HMGB1: variants seen among roughly 807,000 people sequenced by gnomAD.
HMGB1 encodes the protein high mobility group protein B1.
For synonymous variants in HMGB1, 81 were observed against 84.0 expected (o/e 0.96, Z 0.19); for missense variants, 79 against 253.5 (o/e 0.31, Z 4.67).
chr13:30,502,728 G>T (rs1053057462), intron 1 of HMGB1, among the ~76,000 whole-genome samples: 1 of 151,590 alleles, frequency 6.6e-6, no homozygotes, highest in Non-Finnish European at 1.5e-5. Context: ...GCACAATCCC[G>T]GCTCACTGCA....
At chr13:30,511,893 C>T (rs1043432002) in intron 1 of HMGB1, among the ~76,000 whole-genome samples, 2 of 152,040 alleles carry the variant, frequency 1.3e-5, no homozygotes, top group African/African-American at 4.8e-5. Context: ...ATCTTCAAGG[C>T]CTTTTCAACC....
Position 30,506,040 on chromosome 13 carries a change from G to A in HMGB1, c.-14-42346C>T, listed in dbSNP as rs150992386. 3.3e-3 allele frequency among the ~76,000 whole-genome samples: 497 copies of A among 152,206 alleles called. 3 individuals carry two copies. Among genetic ancestry groups the A allele is most frequent in the Non-Finnish European group, 5.3e-3 (362 of 68,006 alleles). On this transcript the variant is annotated intron_variant, in intron 1 of 4. Coordinates refer to the HMGB1 transcript ENST00000405805. ...CTGCACCTGGCCTGGAGACAGATTT[G>A]AGAAGAGAAGAAAACAGTCCCCACA...
intron 1 of HMGB1, among the ~76,000 whole-genome samples, chr13:30,538,725 T>TTTC (rs1566019312): frequency 4.3e-4 from 54 of 124,582 alleles, no homozygotes; most frequent in South Asian, 9.1e-4. Context: ...CTTCTTTTTC[T>TTTC]TTCTTTTTCT....
intron 1 of HMGB1, among the ~76,000 whole-genome samples, chr13:30,608,052 G>A (rs891746596): frequency 9.2e-5 from 14 of 152,102 alleles, no homozygotes; most frequent in African/African-American, 2.4e-4. Context: ...GGTCACTTCC[G>A]AGGTTAGGTT....
At chr13:30,521,615 C>G (rs56087056) in intron 1 of HMGB1, among the ~76,000 whole-genome samples, 22,569 of 152,136 alleles carry the variant, frequency 0.15, 1,886 homozygotes, top group East Asian at 0.28. Flanking sequence ...ATTCACTCAT[C>G]AGTTGATGGA....
chr13:30,567,383 C>T (rs1170502550), intron 1 of HMGB1, among the ~76,000 whole-genome samples: 14 of 142,476 alleles, frequency 9.8e-5, no homozygotes, highest in Non-Finnish European at 3.0e-5. Context: ...CTCACTCTGT[C>T]ACCAGGCTGG....
intron 1 of HMGB1, among the ~76,000 whole-genome samples, chr13:30,522,912 C>T (rs1262579868): frequency 2.0e-5 from 3 of 152,106 alleles, no homozygotes; most frequent in Non-Finnish European, 4.4e-5. Context: ...CAGGGTTTCG[C>T]CATACTGCCC....
At chr13:30,573,949 C>T (rs987572590) in intron 1 of HMGB1, among the ~76,000 whole-genome samples, 2 of 152,092 alleles carry the variant, frequency 1.3e-5, no homozygotes, top group African/African-American at 2.4e-5. Flanking sequence ...CCACCGCACC[C>T]GGCCTAATCT....
chr13:30,615,247 TAA>T (rs746122325), intron 1 of HMGB1, among the ~76,000 whole-genome samples: 37 of 152,216 alleles, frequency 2.4e-4, no homozygotes, highest in East Asian at 1.9e-4. Context: ...TAAAATGTCT[TAA>T]GTTACTTTTT....
chr13:30,465,370 C>G (rs1212309984), intron 1 of HMGB1: 5 of 142,022 alleles, frequency 3.5e-5, no homozygotes, highest in African/African-American at 7.6e-5. Flanking sequence ...CCCGGGGAAG[C>G]GCCGCCGCTG....
chr13:30,570,821 A>G (rs1158098402), intron 1 of HMGB1, among the ~76,000 whole-genome samples: 1 of 152,218 alleles, frequency 6.6e-6, no homozygotes, highest in African/African-American at 2.4e-5. Context: ...GATAAGGGCC[A>G]CACTCCATAG....
chr13:30,523,775 C>G lies in HMGB1; in HGVS notation c.-14-60081G>C, dbSNP rs186523758. Among the ~76,000 whole-genome samples the G allele has an allele frequency of 6.6e-4, 99 of 151,078 alleles. 1 individual carries two copies. Among genetic ancestry groups the G allele is most frequent in the Middle Eastern group, 3.4e-3 (1 of 294 alleles). On this transcript the variant is annotated intron_variant, in intron 1 of 4. Transcript: ENST00000405805. The stretch of plus-strand genomic sequence containing the variant: ...TGTTTGTTTGAGATGGGGCCTCACT[C>G]TATTGCCCAGGCTGGAGTGCAGTGG...
intron 1 of HMGB1, among the ~76,000 whole-genome samples, chr13:30,564,736 A>G (rs2137528384): frequency 6.6e-6 from 1 of 152,270 alleles, no homozygotes; most frequent in Non-Finnish European, 1.5e-5. Flanking sequence ...CATGATTGCA[A>G]TTTTTCAAAT....
At chr13:30,546,843 GA>G (rs1869183296) in intron 1 of HMGB1, among the ~76,000 whole-genome samples, 1 of 152,140 alleles carries the variant, frequency 6.6e-6, no homozygotes, top group Admixed American at 6.5e-5. Flanking sequence ...ATCCTACCGT[GA>G]ATCCACCTTT....
chr13:30,465,479 C>G (rs1372033844), intron 1 of HMGB1, among the ~76,000 whole-genome samples: 1 of 148,544 alleles, frequency 6.7e-6, no homozygotes, highest in Admixed American at 6.7e-5. Flanking sequence ...GCCCAAAACA[C>G]GTTCAAAATT....
intron 1 of HMGB1, among the ~76,000 whole-genome samples, chr13:30,473,989 C>T (rs1887008378): frequency 6.6e-6 from 1 of 152,104 alleles, no homozygotes; most frequent in Non-Finnish European, 1.5e-5. Flanking sequence ...TATAAAATAT[C>T]CAGAACAGGA....
chr13:30,490,274 G>C (rs1346978703), intron 1 of HMGB1, among the ~76,000 whole-genome samples: 1 of 152,118 alleles, frequency 6.6e-6, no homozygotes, highest in Non-Finnish European at 1.5e-5. Context: ...CCTTATCACT[G>C]TAGGTCTTGG....
At chr13:30,600,261 G>T (rs1214775277) in intron 1 of HMGB1, among the ~76,000 whole-genome samples, 3 of 152,058 alleles carry the variant, frequency 2.0e-5, no homozygotes, top group Non-Finnish European at 2.9e-5. Flanking sequence ...AACACCTTAG[G>T]GTAGAACAGC....
chr13:30,479,510 C>T (rs1013759339), intron 1 of HMGB1, among the ~76,000 whole-genome samples: 4 of 152,236 alleles, frequency 2.6e-5, no homozygotes, highest in Admixed American at 6.5e-5. Flanking sequence ...TCCCCTCACA[C>T]CAACTTCAGT....
Sources: allele counts gnomAD v4.1 joint callset (sites outside exome capture counted in the v4.1 genomes callset), GRCh38; gene constraint gnomAD v4.1.1; transcripts MANE v1.5; gene names NCBI Gene and HGNC (gene_info 2026-07-23, HGNC 2026-07-21).